AFAP1: variants seen among roughly 807,000 people sequenced by gnomAD.
The protein encoded by AFAP1 is actin filament associated protein 1.
A neutral mutation model predicts 93.9 loss-of-function variants in AFAP1; 75 were observed. The ratio of observed to expected loss-of-function variants is 0.80; its 90% CI spans 0.66 to 0.97. AFAP1 has a LOEUF of 0.97. Ranked by LOEUF, AFAP1 falls within the 50% of genes least tolerant of loss-of-function variation. The pLI is 0.00. For missense variants in AFAP1, 1,201 were observed against 1,050.8 expected (o/e 1.14, Z -1.98); for synonymous variants, 517 against 430.7 (o/e 1.20, Z -2.48).
chr4:7,891,743 T>TAA (rs778916445), intron 1 of AFAP1, among the ~76,000 whole-genome samples: 1,920 of 62,636 alleles, frequency 0.031, 81 homozygotes, highest in Non-Finnish European at 0.036. Context: ...ATGGTCTCAT[T>TAA]AAAAAAAAAA....
chr4:7,867,333 T>G (rs2149173103), intron 3 of AFAP1, among the ~76,000 whole-genome samples: 1 of 152,324 alleles, frequency 6.6e-6, no homozygotes, highest in South Asian at 2.1e-4. Flanking sequence ...TTCCATCTCC[T>G]GGATAATCCT....
intron 1 of AFAP1, among the ~76,000 whole-genome samples, chr4:7,906,673 G>C (rs944958954): frequency 1.3e-5 from 2 of 152,312 alleles, no homozygotes; most frequent in Non-Finnish European, 2.9e-5. Flanking sequence ...GCTAAACAAC[G>C]AAGAGGTTTT....
chr4:7,896,874 C>T (rs1455423853), intron 1 of AFAP1, among the ~76,000 whole-genome samples: 3 of 151,662 alleles, frequency 2.0e-5, no homozygotes, highest in Admixed American at 6.6e-5. Flanking sequence ...AGCCCCCAAC[C>T]GCCCGGCAGC....
At chr4:7,905,916 G>A (rs1002574555) in intron 1 of AFAP1, among the ~76,000 whole-genome samples, 1 of 152,226 alleles carries the variant, frequency 6.6e-6, no homozygotes, top group Non-Finnish European at 1.5e-5. Context: ...GCCGGGAAGA[G>A]CACCTTCCGC....
At position 7,776,412 on chromosome 4, in the gene AFAP1, G is replaced by A. The variant is rs186897052; in HGVS notation, c.1898-1509C>T. The A allele has an allele frequency of 1.0e-3, 158 of 152,084 alleles. 1 individual carries two copies. The highest frequency in any genetic ancestry group is 3.2e-3 in the African/African-American group (134 of 41,382). 9.4% of individuals were successfully genotyped at this position (152,084 alleles called of 1,614,324 possible). On this transcript the variant is annotated intron_variant, in intron 14 of 17. Transcript: ENST00000420658. ...TGTGTGTGTGCGTGCGTGTGCATGCGTGTTTTAAATTAGAACGTTATATCT... is the reference window on the plus strand; with the variant it reads ...TGTGTGTGTGCGTGCGTGTGCATGCATGTTTTAAATTAGAACGTTATATCT...
chr4:7,763,849 C>T, intron 17 of AFAP1, 58 bp from the exon 18 acceptor site: 1 of 1,528,206 alleles, frequency 6.5e-7, no homozygotes, highest in Non-Finnish European at 8.9e-7. Context: ...CTGGGACAAG[C>T]CACGCCACCA....
chr4:7,927,173 C>T (rs947407504), intron 1 of AFAP1, among the ~76,000 whole-genome samples: 1 of 152,200 alleles, frequency 6.6e-6, no homozygotes, highest in African/African-American at 2.4e-5. Context: ...GACTTGTGTT[C>T]TTAAAGGGGA....
At chr4:7,843,048 A>G in intron 5 of AFAP1, 91 bp downstream of exon 5, 1 of 1,352,510 alleles carries the variant, frequency 7.4e-7, no homozygotes, top group Non-Finnish European at 1.0e-6. Flanking sequence ...CCCTTCCTGC[A>G]CAGCTGATGT....
At chr4:7,901,202 C>T (rs965203031) in intron 1 of AFAP1, among the ~76,000 whole-genome samples, 2 of 152,188 alleles carry the variant, frequency 1.3e-5, no homozygotes, top group African/African-American at 2.4e-5. Flanking sequence ...TAAGATGTGG[C>T]CATATGCCTG....
chr4:7,914,261 G>C (rs1236459550), intron 1 of AFAP1, among the ~76,000 whole-genome samples: 3 of 151,994 alleles, frequency 2.0e-5, no homozygotes, highest in South Asian at 2.1e-4. Flanking sequence ...CGCCACGTTG[G>C]CCAGGCTGGT....
chr4:7,792,471 G>C (rs1717949883), intron 11 of AFAP1, among the ~76,000 whole-genome samples: 1 of 152,170 alleles, frequency 6.6e-6, no homozygotes, highest in African/African-American at 2.4e-5. Flanking sequence ...AAGCTTAAAT[G>C]TATCATAAGC....
intron 7 of AFAP1, among the ~76,000 whole-genome samples, chr4:7,817,635 T>G (rs1177124028): frequency 6.6e-6 from 1 of 151,166 alleles, no homozygotes; most frequent in Non-Finnish European, 1.5e-5. Flanking sequence ...AAACAACTAA[T>G]GGGGGGGGCA....
At chr4:7,934,975 C>G (rs1204123231) in intron 1 of AFAP1, among the ~76,000 whole-genome samples, 2 of 152,106 alleles carry the variant, frequency 1.3e-5, no homozygotes, top group Admixed American at 6.6e-5. Flanking sequence ...TTAATGATAA[C>G]TGAAACACAA....
rs1398390961 is a variant in AFAP1, at chr4:7,759,455, T to G, written c.*4310A>C. 6.6e-6 allele frequency: 1 copy of G among 152,654 alleles called. No individual in the cohort carries two copies. The highest frequency in any genetic ancestry group is 2.4e-5 in the African/African-American group (1 of 41,448). 9.5% of individuals were successfully genotyped at this position (152,654 alleles called of 1,614,324 possible). ...GGGACTCACGAATAGAGGTGACTGC[T>G]TTTTCTGCAGTGCTGTGCCACGTAT... On this transcript the variant is annotated 3_prime_UTR_variant, in exon 18 of 18. Transcript: ENST00000420658.
Position 7,793,764 on chromosome 4 carries a change from G to C in AFAP1, c.1329C>G (p.Ser443=). Residue 443 remains serine (S), a synonymous_variant, in exon 11 of 18, where the codon TCC becomes TCG. Transcript: ENST00000420658. The part of the protein sequence containing the change: ...IGILLAETGS[S]TDPEALHYDY... Reference sequence around the variant, plus strand: ...CATAGTGCAGAGCCTCCGGGTCTGTGGACGATCCCGTCTCTGCGAGTAAAA... The same window carrying C: ...CATAGTGCAGAGCCTCCGGGTCTGTCGACGATCCCGTCTCTGCGAGTAAAA... 6.3e-7 allele frequency: 1 copy of C among 1,575,004 alleles called. No individual in the cohort carries two copies. The highest frequency in any genetic ancestry group is 1.3e-5 in the African/African-American group (1 of 74,552).
At chr4:7,846,236 T>C (rs1367450398) in intron 4 of AFAP1, among the ~76,000 whole-genome samples, 1 of 152,218 alleles carries the variant, frequency 6.6e-6, no homozygotes, top group East Asian at 1.9e-4. Flanking sequence ...TGAATGGTGG[T>C]TACACAGATG....
At chr4:7,883,185 C>CAAAAAA (rs34238719) in intron 1 of AFAP1, among the ~76,000 whole-genome samples, 1 of 49,970 alleles carries the variant, frequency 2.0e-5, no homozygotes, top group Non-Finnish European at 3.9e-5. Context: ...AACCCTATCT[C>CAAAAAA]AAAAAAAAAA....
At chr4:7,864,164 C>CACCTTCCCAACTTCCCATCACA (rs1314891559) in intron 3 of AFAP1, among the ~76,000 whole-genome samples, 2 of 151,914 alleles carry the variant, frequency 1.3e-5, no homozygotes, top group African/African-American at 2.4e-5. Context: ...CTCATCACAA[C>CACCTTCCCAACTTCCCATCACA]CCACAGGTCC....
At chr4:7,795,559 G>A (rs567602938) in intron 10 of AFAP1, among the ~76,000 whole-genome samples, 1 of 151,394 alleles carries the variant, frequency 6.6e-6, no homozygotes, top group Non-Finnish European at 1.5e-5. Flanking sequence ...CGAGTAGCTG[G>A]GACTACAGGT....
Sources: allele counts gnomAD v4.1 joint callset (sites outside exome capture counted in the v4.1 genomes callset), GRCh38; gene constraint gnomAD v4.1.1; transcripts MANE v1.5; gene names NCBI Gene and HGNC (gene_info 2026-07-23, HGNC 2026-07-21).